Variants in SLC35F1 observed in about 807,000 individuals in gnomAD.
The protein encoded by SLC35F1 is chromosome 6 open reading frame 169.
Under a neutral mutation model 48.7 loss-of-function variants are expected in SLC35F1, and 14 were observed. The ratio of observed to expected loss-of-function variants is 0.29; its 90% confidence interval spans 0.19 to 0.45. The LOEUF (loss-of-function observed/expected upper bound fraction) is 0.45, where lower values mean the gene tolerates loss of function less well. Ranked by LOEUF, SLC35F1 falls within the 20% of genes least tolerant of loss-of-function variation. The pLI, the probability that SLC35F1 is intolerant of heterozygous loss-of-function variation, is 1.00. For synonymous variants in SLC35F1, 190 were observed against 202.2 expected, an observed-to-expected ratio of 0.94 and a Z score of 0.51; for missense variants, 404 against 500.0, an observed-to-expected ratio of 0.81 and a Z score of 1.83.
At chr6:118,097,193 C>G (rs879265267) in intron 1 of SLC35F1, among the ~76,000 whole-genome samples, 1 of 152,160 alleles carries the variant, frequency 6.6e-6, no homozygotes, top group Non-Finnish European at 1.5e-5. Flanking sequence ...ACAAAGTTCC[C>G]CCTCATTGGA....
At chr6:118,212,518 C>T (rs1011754006) in intron 2 of SLC35F1, among the ~76,000 whole-genome samples, 1 of 152,000 alleles carries the variant, frequency 6.6e-6, no homozygotes. Context: ...GGTGAAACCA[C>T]ATCTCTACTA....
At chr6:117,953,732 T>A (rs1424871465) in intron 1 of SLC35F1, among the ~76,000 whole-genome samples, 2 of 152,172 alleles carry the variant, frequency 1.3e-5, no homozygotes, top group Non-Finnish European at 1.5e-5. Flanking sequence ...AGTCCCCAAG[T>A]GGTTCTGGAC....
At chr6:118,177,336 T>C (rs1774505018) in intron 2 of SLC35F1, among the ~76,000 whole-genome samples, 1 of 152,136 alleles carries the variant, frequency 6.6e-6, no homozygotes, top group Admixed American at 6.6e-5. Context: ...AGCCTCCCTA[T>C]CCTTTTGCTA....
At chr6:117,957,451 G>C (rs575876432) in intron 1 of SLC35F1, among the ~76,000 whole-genome samples, 1 of 152,190 alleles carries the variant, frequency 6.6e-6, no homozygotes, top group Admixed American at 6.5e-5. Flanking sequence ...CATCCAAAAA[G>C]CTTGAATTTT....
intron 1 of SLC35F1, among the ~76,000 whole-genome samples, chr6:118,148,284 C>G (rs1013510417): frequency 1.3e-5 from 2 of 152,110 alleles, no homozygotes; most frequent in African/African-American, 4.8e-5. Flanking sequence ...GAATTACAAG[C>G]AATATGATTA....
At chr6:118,102,275 A>C (rs1031086226) in intron 1 of SLC35F1, among the ~76,000 whole-genome samples, 2 of 152,106 alleles carry the variant, frequency 1.3e-5, no homozygotes, top group South Asian at 2.1e-4. Flanking sequence ...CCTTGACCTC[A>C]TGGGATCAAG....
intron 7 of SLC35F1, among the ~76,000 whole-genome samples, chr6:118,304,645 T>C (rs1245442363): frequency 6.6e-6 from 1 of 152,222 alleles, no homozygotes; most frequent in Non-Finnish European, 1.5e-5. Context: ...GAATTTACTC[T>C]TCGTGATGTA....
intron 7 of SLC35F1, among the ~76,000 whole-genome samples, chr6:118,304,888 C>T (rs1221074564): frequency 1.3e-5 from 2 of 149,894 alleles, no homozygotes; most frequent in Admixed American, 1.3e-4. Context: ...TTCTAGAGCT[C>T]ATATCATGAA....
At chr6:118,088,140 C>T (rs895719848) in intron 1 of SLC35F1, among the ~76,000 whole-genome samples, 5 of 152,122 alleles carry the variant, frequency 3.3e-5, no homozygotes, top group African/African-American at 9.7e-5. Context: ...AAAGTATTTA[C>T]CATAATTAAA....
chr6:118,285,422 C>T, intron 7 of SLC35F1, 84 bp downstream of exon 7: 8 of 1,503,586 alleles, frequency 5.3e-6, no homozygotes, highest in Non-Finnish European at 7.4e-6. Context: ...ATGTGAAATG[C>T]CCTGATTTTG....
intron 1 of SLC35F1, among the ~76,000 whole-genome samples, chr6:118,119,930 G>A (rs990732724): frequency 1.3e-5 from 2 of 152,140 alleles, no homozygotes; most frequent in African/African-American, 4.8e-5. Context: ...CGTGAAAACA[G>A]CCACTTAAGA....
chr6:118,193,826 G>T (rs1774765306), intron 2 of SLC35F1, among the ~76,000 whole-genome samples: 1 of 152,162 alleles, frequency 6.6e-6, no homozygotes, highest in Non-Finnish European at 1.5e-5. Flanking sequence ...CAGGAAAGAT[G>T]AACAATTTTC....
intron 1 of SLC35F1, among the ~76,000 whole-genome samples, chr6:117,908,486 G>A (rs1164995402): frequency 6.6e-6 from 1 of 152,248 alleles, no homozygotes; most frequent in Non-Finnish European, 1.5e-5. Context: ...AGCGAAGAGA[G>A]GGCTAGAGGC....
chr6:118,040,799 T>C (rs1772205618), intron 1 of SLC35F1, among the ~76,000 whole-genome samples: 1 of 142,790 alleles, frequency 7.0e-6, no homozygotes, highest in Non-Finnish European at 1.6e-5. Flanking sequence ...CCCATAAGTA[T>C]ATGTCCTGAA....
rs1346349449 is a variant in SLC35F1 at position 118,123,423 on chromosome 6, T to C, written c.174-31022T>C. 3.0e-4 allele frequency among the ~76,000 whole-genome samples: 7 copies of C among 23,160 alleles called. No individual in the cohort carries two copies. The East Asian group carries it at 0.011, about 37-fold the overall frequency. The allele number at this position is 23,160 out of a possible 152,430, so 15.2% of individuals were successfully genotyped here. A position where few individuals can be genotyped will look rare whatever the true frequency, so the allele number is the denominator to read the frequency against. ...CCACTCTTAGAAATTCAATGCCAAATGATAGTTTTTTTTTTTTACAGAGTT... is the reference window on the plus strand; with the variant it reads ...CCACTCTTAGAAATTCAATGCCAAACGATAGTTTTTTTTTTTTACAGAGTT... On this transcript the variant is annotated intron_variant, in intron 1 of 7. Transcript: ENST00000360388.
At chr6:117,999,154 C>A (rs1250931035) in intron 1 of SLC35F1, 2 of 1,593,652 alleles carry the variant, frequency 1.3e-6, no homozygotes, top group South Asian at 1.1e-5. Context: ...TGCAGGCCAA[C>A]AATGCCAAGG....
chr6:118,169,554 G>T (rs938623258), intron 2 of SLC35F1, among the ~76,000 whole-genome samples: 1 of 151,968 alleles, frequency 6.6e-6, no homozygotes, highest in Non-Finnish European at 1.5e-5. Context: ...TTACAGATGC[G>T]CTCTCTCGAT....
intron 7 of SLC35F1, among the ~76,000 whole-genome samples, chr6:118,299,904 C>G (rs1346254855): frequency 2.6e-5 from 4 of 152,178 alleles, no homozygotes; most frequent in African/African-American, 9.6e-5. Flanking sequence ...CATCTCTAAA[C>G]TATAGTTTTC....
intron 1 of SLC35F1, among the ~76,000 whole-genome samples, chr6:118,112,804 C>T (rs970419845): frequency 3.3e-5 from 5 of 151,872 alleles, no homozygotes; most frequent in African/African-American, 1.2e-4. Flanking sequence ...TGGAAGACAA[C>T]CAAAAAACAA....
Sources: gnomAD v4.1 joint callset for allele counts (sites outside exome capture counted in the v4.1 genomes callset) on GRCh38, gnomAD v4.1.1 for gene constraint, MANE v1.5 for transcripts, NCBI Gene and HGNC (gene_info 2026-07-23, HGNC 2026-07-21) for gene names.